DST: variants seen among roughly 807,000 people sequenced by gnomAD.
DST encodes the protein bullous pemphigoid antigen.
DST carries 253 observed loss-of-function variants against 875.2 expected under a neutral mutation model. The observed-to-expected ratio is 0.29, with a 90% CI of 0.26 to 0.32. DST has a LOEUF of 0.32. Among genes scored for constraint, DST ranks in the 10% least tolerant of loss-of-function variants. The pLI is 1.00. For synonymous variants in DST, 3,124 were observed against 3,197.1 expected (o/e 0.98, Z 0.77); for missense variants, 8,287 against 9,111.6 (o/e 0.91, Z 3.68).
Position 56,911,431 on chromosome 6 carries a change from G to A in DST, c.217-10810C>T, listed in dbSNP as rs73459724. ...GATTCATGGAAACTGTGTGCCTCTG[G>A]TATAGGCTGAGGCTATCAGGGGCCA... On this transcript the variant is annotated intron_variant, in intron 2 of 103. Coordinates refer to ENST00000680361, the MANE Select transcript of DST (RefSeq NM_001374736.1). Among the ~76,000 whole-genome samples, 1,392 of 152,226 alleles carry A rather than the reference G, an allele frequency of 9.1e-3. 18 individuals are homozygous for A. Among genetic ancestry groups the A allele is most frequent in the African/African-American group, 0.032 (1,328 of 41,516 alleles).
chr6:56,691,273 G>T (rs980216163), intron 9 of DST, among the ~76,000 whole-genome samples: 2 of 152,158 alleles, frequency 1.3e-5, no homozygotes, highest in Non-Finnish European at 2.9e-5. Flanking sequence ...GAGCTACATA[G>T]ATAATGACAC....
rs1242584219 is a variant in DST, at chr6:56,614,338, C to T, written c.5058+18G>A. ...CCTGCTATTATTATTATTATTAAAC[C>T]AGGACTTCTGTGAATACCTTTTGCT... On this transcript the variant is annotated intron_variant, in intron 37 of 103. Transcript: ENST00000680361. The T allele has an allele frequency of 1.9e-6, 3 of 1,575,880 alleles. No individual in the cohort carries two copies. The highest frequency in any genetic ancestry group is 2.6e-6 in the Non-Finnish European group (3 of 1,162,556).
intron 63 of DST, among the ~76,000 whole-genome samples, chr6:56,534,783 C>T (rs989547050): frequency 3.9e-5 from 6 of 152,146 alleles, no homozygotes; most frequent in Non-Finnish European, 5.9e-5. Flanking sequence ...TGCCTCTCCC[C>T]GATCCCTGCT....
rs77940350 is a variant in DST at position 56,834,962 on chromosome 6, G to A, written c.625+16435C>T. 2.2e-3 allele frequency among the ~76,000 whole-genome samples: 333 copies of A among 152,316 alleles called. 2 individuals carry two copies. The highest frequency in any genetic ancestry group is 0.01 in the East Asian group (54 of 5,186). ...GAGCAACCAAGATGTCCTTCAGTCG[G>A]TGAATGGATAAGTAAACTTGGTACT... On this transcript the variant is annotated intron_variant, in intron 4 of 103. Coordinates refer to ENST00000680361, the MANE Select transcript of DST (RefSeq NM_001374736.1).
rs1224728201 is a variant in DST at position 56,602,932 on chromosome 6, C to T, written c.11257G>A (p.Val3753Met). ...ACATACTCAGAATCTTGAACATTCA[C>T]AATCTCAATATCCTTCACAGATTTG... ...KSKSVKDIEI[V>M]NVQDSEYVKK... The change falls in exon 43 of 104, where the codon GTG (valine) becomes ATG (methionine). Residue 3753 changes from valine to methionine, a missense_variant. Around this residue, in one of 10 missense-constraint regions of DST, gnomAD observed 3,138 missense variants for 3,116.6 expected, o/e 1.01. Transcript: ENST00000680361. 38 of 1,580,866 alleles carry T rather than the reference C, an allele frequency of 2.4e-5. No homozygotes were observed. Among genetic ancestry groups the T allele is most frequent in the Non-Finnish European group, 3.0e-5 (35 of 1,170,064 alleles).
At chr6:56,614,302 C>A in intron 37 of DST, 54 bp downstream of exon 37, 1 of 1,494,068 alleles carries the variant, frequency 6.7e-7, no homozygotes. Flanking sequence ...TGTGTCAACT[C>A]AGTTAACGTC....
chr6:56,824,599 G>C (rs1054052422), intron 4 of DST, among the ~76,000 whole-genome samples: 7 of 151,104 alleles, frequency 4.6e-5, no homozygotes. Context: ...TGAGATGTGG[G>C]AAGCGCCTCT....
chr6:56,684,853 A>T (rs1331578510), intron 9 of DST, among the ~76,000 whole-genome samples: 1 of 152,134 alleles, frequency 6.6e-6, no homozygotes, highest in East Asian at 1.9e-4. Context: ...TATACTGGCA[A>T]AGGAGCTGAT....
At chr6:56,559,578 T>C (rs1209882518) in intron 58 of DST, among the ~76,000 whole-genome samples, 1 of 152,140 alleles carries the variant, frequency 6.6e-6, no homozygotes, top group Non-Finnish European at 1.5e-5. Context: ...AGGTACTATT[T>C]GTTTGAGCCA....
chr6:56,877,114 A>G (rs1279134854), intron 3 of DST, among the ~76,000 whole-genome samples: 1 of 152,222 alleles, frequency 6.6e-6, no homozygotes, highest in Non-Finnish European at 1.5e-5. Context: ...TCTTACCTAG[A>G]TACCTGGCTC....
At chr6:56,756,425 C>A (rs1452847949) in intron 4 of DST, among the ~76,000 whole-genome samples, 2 of 152,100 alleles carry the variant, frequency 1.3e-5, no homozygotes, top group Non-Finnish European at 2.9e-5. Context: ...CGGCCTGAGT[C>A]ACAAGAATGG....
In DST at chr6:56,535,135, A is replaced by G; in HGVS notation, c.16928T>C (p.Ile5643Thr). ...SAEFKVVKAQ[I>T]QEQKLLQRLL... ...TGACTAACTTACCTTTTGTTCTTGT[A>G]TCTGGGCCTTTACCACTTTGAACTC... Residue 5643 changes from isoleucine (I) to threonine (T), a missense_variant, in exon 63 of 104, where the codon ATA (isoleucine) becomes ACA (threonine). Around this residue, in one of 10 missense-constraint regions of DST, gnomAD observed 777 missense variants for 764.8 expected, o/e 1.02. Coordinates refer to ENST00000680361, the MANE Select transcript of DST (RefSeq NM_001374736.1). The G allele has an allele frequency of 6.2e-7, 1 of 1,613,762 alleles. No individual in the cohort carries two copies. Among genetic ancestry groups the G allele is most frequent in the Non-Finnish European group, 8.5e-7 (1 of 1,179,808 alleles).
At position 56,656,099 on chromosome 6, in the gene DST, T is replaced by C. The variant is rs190051041; in HGVS notation, c.1215-4855A>G. Reference sequence around the variant, plus strand: ...CATCCTAGGCTTGTTCCTTTTCTTTTCACTAATTTCTACTGACAAAACCAC... The same window carrying C: ...CATCCTAGGCTTGTTCCTTTTCTTTCCACTAATTTCTACTGACAAAACCAC... On this transcript the variant is annotated intron_variant, in intron 10 of 103. Transcript: ENST00000680361. 2.6e-5 allele frequency among the ~76,000 whole-genome samples: 4 copies of C among 152,376 alleles called. No homozygotes were observed. The East Asian group carries it at 7.7e-4, about 29-fold the overall frequency.
chr6:56,562,050 A>G (rs893123603), intron 56 of DST, 88 bp downstream of exon 56: 36 of 742,108 alleles, frequency 4.9e-5, no homozygotes, highest in African/African-American at 2.7e-4. Flanking sequence ...TGAAATTTCA[A>G]TATAACTACT....
At chr6:56,907,927 G>A (rs192920311) in intron 2 of DST, among the ~76,000 whole-genome samples, 612 of 152,192 alleles carry the variant, frequency 4.0e-3, no homozygotes, top group Non-Finnish European at 4.9e-3. Flanking sequence ...TCCACCAGCC[G>A]GGCGTGGTGG....
At chr6:56,508,230 C>T (rs752539082) in intron 75 of DST, among the ~76,000 whole-genome samples, 1 of 152,104 alleles carries the variant, frequency 6.6e-6, no homozygotes, top group Non-Finnish European at 1.5e-5. Flanking sequence ...GACAGGGTTT[C>T]GTCATGTTGG....
rs1586981555 is a variant in DST, at chr6:56,625,145, T to C, written c.4830+12A>G. ...TATGCCCCTTCCCCTCTTTCTCTCA[T>C]ACTTTTATTACCTCTTGAATAATGA... is the stretch of plus-strand genomic sequence containing the variant. On this transcript the variant is annotated intron_variant, in intron 35 of 103. Transcript: ENST00000680361. The C allele has an allele frequency of 8.9e-6, 14 of 1,579,602 alleles. No homozygotes were observed. The highest frequency in any genetic ancestry group is 1.2e-5 in the Non-Finnish European group (14 of 1,148,640).
chr6:56,896,307 G>A (rs373217655), intron 3 of DST, among the ~76,000 whole-genome samples: 14 of 152,130 alleles, frequency 9.2e-5, no homozygotes, highest in Middle Eastern at 3.4e-3. Context: ...CATGGGGGTC[G>A]GTCTTCCCCA....
chr6:56,741,954 A>G (rs1053860010), intron 4 of DST, among the ~76,000 whole-genome samples: 5 of 152,218 alleles, frequency 3.3e-5, no homozygotes, highest in South Asian at 2.1e-4. Context: ...TTGGGGGGGA[A>G]CAAATAAATG....
Sources: gnomAD v4.1 joint callset for allele counts (sites outside exome capture counted in the v4.1 genomes callset) on GRCh38, gnomAD v4.1.1 for gene constraint, gnomAD v4.1.1 regional missense constraint, MANE v1.5 for transcripts, NCBI Gene and HGNC (gene_info 2026-07-23, HGNC 2026-07-21) for gene names.